The following ETFA variants were observed in gnomAD, a reference collection of about 807,000 sequenced individuals.
ETFA encodes the protein electron transfer flavoprotein subunit alpha, mitochondrial.
In ETFA, 22 loss-of-function variants were observed where a neutral mutation model predicts 46.2. The observed-to-expected ratio is 0.48, with a 90% CI of 0.34 to 0.68. The LOEUF (loss-of-function observed/expected upper bound fraction) is 0.68. Ranked by LOEUF, ETFA falls within the 30% of genes least tolerant of loss-of-function variation. The pLI is 0.01. For missense variants in ETFA, 345 were observed against 401.1 expected (o/e 0.86, Z 1.19); for synonymous variants, 131 against 139.9 (o/e 0.94, Z 0.45).
At chr15:76,278,226 C>G (rs1177353805) in intron 8 of ETFA, among the ~76,000 whole-genome samples, 2 of 152,154 alleles carry the variant, frequency 1.3e-5, no homozygotes, top group East Asian at 3.8e-4. Context: ...TAGACATTTT[C>G]TTTACCAAGA....
chr15:76,310,640 T>C (rs931582578), intron 1 of ETFA, among the ~76,000 whole-genome samples: 2 of 152,218 alleles, frequency 1.3e-5, no homozygotes, highest in African/African-American at 4.8e-5. Context: ...ACTGAAAATG[T>C]ACCACTGTCA....
chr15:76,277,296 G>A (rs1187627894), intron 8 of ETFA, among the ~76,000 whole-genome samples: 1 of 152,156 alleles, frequency 6.6e-6, no homozygotes, highest in African/African-American at 2.4e-5. Context: ...TGGTTAAACA[G>A]TTCCTCCTGA....
At chr15:76,287,221 T>G (rs1246468421) in intron 5 of ETFA, among the ~76,000 whole-genome samples, 1 of 152,216 alleles carries the variant, frequency 6.6e-6, no homozygotes, top group Non-Finnish European at 1.5e-5. Flanking sequence ...TGGAGTGCTG[T>G]GGCATGATCA....
chr15:76,274,187 C>T, intron 9 of ETFA: 16 of 521,240 alleles, frequency 3.1e-5, no homozygotes, highest in South Asian at 1.5e-4. Flanking sequence ...TAAAATGTTC[C>T]ACTGCTTTAA....
In ETFA at chr15:76,225,928, G is replaced by A. The variant is rs1376113683; in HGVS notation, c.884C>T (p.Thr295Ile). 1.3e-6 allele frequency: 2 copies of A among 1,595,966 alleles called. No homozygotes were observed. The highest frequency in any genetic ancestry group is 1.7e-6 in the Non-Finnish European group (2 of 1,163,710). ...TGGGTCTTTATTAATTGCCACAATT[G>A]TCTGTGAAATAAAAACAAAGAGTTT... ...QHLAGMKDSK[T>I]IVAINKDPEA... The change falls in exon 11 of 12, where the codon ACA (threonine) becomes ATA (isoleucine). Residue 295 changes from threonine to isoleucine, a missense_variant and splice_region_variant. Physicochemically the swap from Thr to Ile is moderately conservative, Grantham distance 89. Coordinates refer to ENST00000557943, the MANE Select transcript of ETFA (RefSeq NM_000126.4).
intron 11 of ETFA, among the ~76,000 whole-genome samples, chr15:76,222,429 C>T (rs2038965965): frequency 6.6e-6 from 1 of 151,810 alleles, no homozygotes; most frequent in South Asian, 2.1e-4. Context: ...ATATATTCAC[C>T]AAACCACTTT....
intron 9 of ETFA, among the ~76,000 whole-genome samples, chr15:76,238,454 C>T (rs897580504): frequency 6.6e-6 from 1 of 151,984 alleles, no homozygotes; most frequent in Non-Finnish European, 1.5e-5. Flanking sequence ...TTCAGAGATC[C>T]AATGTTATGT....
intron 8 of ETFA, among the ~76,000 whole-genome samples, chr15:76,277,116 T>C: frequency 6.6e-6 from 1 of 152,220 alleles, no homozygotes; most frequent in Non-Finnish European, 1.5e-5. Context: ...GTCTTGGTCT[T>C]TTACTAAGAC....
chr15:76,306,190 C>G (rs2039938094), intron 1 of ETFA, among the ~76,000 whole-genome samples: 1 of 151,818 alleles, frequency 6.6e-6, no homozygotes, highest in Non-Finnish European at 1.5e-5. Flanking sequence ...ATGATTGTAA[C>G]CTATACCTCC....
intron 1 of ETFA, among the ~76,000 whole-genome samples, chr15:76,301,241 T>C (rs2039877199): frequency 6.6e-6 from 1 of 152,252 alleles, no homozygotes; most frequent in African/African-American, 2.4e-5. Flanking sequence ...TGGTACCTTG[T>C]AATTGCCTTC....
In ETFA at chr15:76,302,151, T is replaced by C. The variant is rs574668034; in HGVS notation, c.40-6414A>G. The stretch of plus-strand genomic sequence containing the variant: ...CAGTTGCTTATAAAACTAAACATAA[T>C]CTTACCATACAATCTAGCAACTGCA... On this transcript the variant is annotated intron_variant, in intron 1 of 11. Transcript: ENST00000557943. Among the ~76,000 whole-genome samples, 213 of 152,306 alleles carry C rather than the reference T, an allele frequency of 1.4e-3. 1 individual carries two copies. Among genetic ancestry groups the C allele is most frequent in the Non-Finnish European group, 1.4e-3 (98 of 68,030 alleles).
intron 8 of ETFA, among the ~76,000 whole-genome samples, chr15:76,276,001 A>T (rs1808112116): frequency 6.6e-6 from 1 of 152,150 alleles, no homozygotes; most frequent in Non-Finnish European, 1.5e-5. Flanking sequence ...TACCTATTAG[A>T]TCAATTAAGA....
At chr15:76,284,520 C>A in intron 7 of ETFA, 1 of 189,876 alleles carries the variant, frequency 5.3e-6, no homozygotes. Flanking sequence ...GGAGGAGTTT[C>A]ACTCTTGTTG....
At chr15:76,299,876 C>G (rs2039863620) in intron 1 of ETFA, among the ~76,000 whole-genome samples, 1 of 152,188 alleles carries the variant, frequency 6.6e-6, no homozygotes, top group Non-Finnish European at 1.5e-5. Context: ...TCTCCAGCTT[C>G]TCCCTTTACC....
At chr15:76,268,077 A>T (rs1315120691) in intron 9 of ETFA, among the ~76,000 whole-genome samples, 2 of 152,148 alleles carry the variant, frequency 1.3e-5, no homozygotes, top group Non-Finnish European at 2.9e-5. Context: ...TCTGTTAATC[A>T]GAAAAAGCCT....
chr15:76,216,622 T>C, intron 11 of ETFA, 25 bp from the exon 12 acceptor site: 1 of 1,488,254 alleles, frequency 6.7e-7, no homozygotes, highest in Non-Finnish European at 9.4e-7. Flanking sequence ...AAAAAGTAAT[T>C]AAGCAACTAG....
At position 76,234,393 on chromosome 15, in the gene ETFA, A is replaced by G. The variant is rs1364725380; in HGVS notation, c.817-2995T>C. Among the ~76,000 whole-genome samples the G allele has an allele frequency of 2.0e-5, 3 of 152,176 alleles. 1 individual carries two copies. The highest frequency in any genetic ancestry group is 7.2e-5 in the African/African-American group (3 of 41,434). ...AATAATAATAATAATTAGTATACAC[A>G]AAACTCTCTACAGATGCTAATTTAT... On this transcript the variant is annotated intron_variant, in intron 9 of 11. Transcript: ENST00000557943.
In ETFA at chr15:76,274,394, T is replaced by G. The variant is rs2039572967; in HGVS notation, c.816+18A>C. On this transcript the variant is annotated intron_variant, in intron 9 of 11. Coordinates refer to ENST00000557943, the MANE Select transcript of ETFA (RefSeq NM_000126.4). ...TCCCCATAACATTTTACACAGCATA[T>G]TTTATTGCAATACTTACTGGTGCTA... 1 of 1,571,294 alleles carries G rather than the reference T, an allele frequency of 6.4e-7. No individual in the cohort carries two copies. The highest frequency in any genetic ancestry group is 1.1e-5 in the South Asian group (1 of 88,094).
chr15:76,293,376 T>C (rs1387885065), intron 2 of ETFA, among the ~76,000 whole-genome samples: 1 of 152,242 alleles, frequency 6.6e-6, no homozygotes, highest in Non-Finnish European at 1.5e-5. Context: ...TTCAATGTCC[T>C]GGAAATGGTG....
Sources: allele counts gnomAD v4.1 joint callset (sites outside exome capture counted in the v4.1 genomes callset), GRCh38; gene constraint gnomAD v4.1.1; transcripts MANE v1.5; gene names NCBI Gene and HGNC (gene_info 2026-07-23, HGNC 2026-07-21).